The following GPHN variants were observed in gnomAD, a reference collection of about 807,000 sequenced individuals.
GPHN encodes the protein gephyrin.
Under a neutral mutation model 95.5 loss-of-function variants are expected in GPHN, and 17 were observed. The ratio of observed to expected loss-of-function variants is 0.18; its 90% CI spans 0.12 to 0.27. The LOEUF (loss-of-function observed/expected upper bound fraction) is 0.27, where lower values mean the gene tolerates loss of function less well. Ranked by LOEUF, GPHN falls within the 10% of genes least tolerant of loss-of-function variation. GPHN has a pLI of 1.00. For missense variants in GPHN, 660 were observed against 978.1 expected (o/e 0.67, Z 4.34); for synonymous variants, 320 against 322.5 (o/e 0.99, Z 0.08).
At chr14:66,552,907 T>C (rs1218985889) in intron 1 of GPHN, among the ~76,000 whole-genome samples, 1 of 152,094 alleles carries the variant, frequency 6.6e-6, no homozygotes, top group Non-Finnish European at 1.5e-5. Context: ...GTATTGATTC[T>C]AATGTATCTC....
the GPHN span, among the ~76,000 whole-genome samples, chr14:67,476,803 C>T: frequency 9.2e-5 from 14 of 152,156 alleles, no homozygotes; most frequent in African/African-American, 2.9e-4. Context: ...CTTAGACATA[C>T]GTACCAAATG....
At chr14:66,783,634 T>C (rs1357796247) in intron 3 of GPHN, among the ~76,000 whole-genome samples, 2 of 152,234 alleles carry the variant, frequency 1.3e-5, no homozygotes, top group Non-Finnish European at 2.9e-5. Context: ...AGGCTATTCG[T>C]ACTTCTGCTC....
chr14:66,705,475 G>A (rs1018428085), intron 2 of GPHN, among the ~76,000 whole-genome samples: 7 of 152,192 alleles, frequency 4.6e-5, no homozygotes, highest in Non-Finnish European at 1.0e-4. Context: ...CCATTATTAA[G>A]TTGGCTTCAT....
intron 2 of GPHN, among the ~76,000 whole-genome samples, chr14:66,759,582 A>G (rs1379259412): frequency 2.6e-5 from 4 of 152,226 alleles, no homozygotes; most frequent in Admixed American, 2.6e-4. Flanking sequence ...CCATTTGCAT[A>G]GTATTTCTCC....
chr14:67,695,772 T>C, the GPHN span: 1 of 1,439,704 alleles, frequency 6.9e-7, no homozygotes, highest in South Asian at 1.2e-5. Context: ...CTTCTCTTTC[T>C]AGACACGCCC....
At chr14:67,263,965 T>C in the GPHN span, among the ~76,000 whole-genome samples, 415 of 152,298 alleles carry the variant, frequency 2.7e-3, 1 homozygote, top group African/African-American at 9.4e-3. Context: ...GGCATGATGA[T>C]AGCCCCACTA....
chr14:67,600,344 G>A, the GPHN span: 2 of 689,220 alleles, frequency 2.9e-6, no homozygotes, highest in Non-Finnish European at 4.6e-6. Context: ...GTTGCGCGCC[G>A]AGAGCTCTGC....
At chr14:67,642,294 A>G in the GPHN span, 3 of 1,614,148 alleles carry the variant, frequency 1.9e-6, no homozygotes, top group Non-Finnish European at 2.5e-6. Context: ...GCCAACCAGG[A>G]ACTGGCTGAG....
At chr14:66,940,052 C>T (rs1190340702) in intron 8 of GPHN, among the ~76,000 whole-genome samples, 1 of 152,078 alleles carries the variant, frequency 6.6e-6, no homozygotes, top group Non-Finnish European at 1.5e-5. Flanking sequence ...AAAACTTTTA[C>T]CCTTTTGCTA....
intron 1 of GPHN, among the ~76,000 whole-genome samples, chr14:66,515,995 G>A (rs1360308079): frequency 6.8e-6 from 1 of 147,358 alleles, no homozygotes; most frequent in Non-Finnish European, 1.5e-5. Flanking sequence ...TTTATGTCAA[G>A]CCATTTTTTT....
chr14:66,524,026 T>G (rs2058585744), intron 1 of GPHN, among the ~76,000 whole-genome samples: 1 of 152,068 alleles, frequency 6.6e-6, no homozygotes, highest in African/African-American at 2.4e-5. Flanking sequence ...ATTTGAGATT[T>G]TTGAGATATA....
chr14:66,765,295 C>G (rs972566683), intron 2 of GPHN, among the ~76,000 whole-genome samples: 1 of 152,092 alleles, frequency 6.6e-6, no homozygotes, highest in African/African-American at 2.4e-5. Context: ...ACCATTTGAC[C>G]CAGCAATTCC....
rs542921613 is a variant in GPHN at position 67,115,174 on chromosome 14, A to G, written c.1626+2003A>G. Among the ~76,000 whole-genome samples, 25 of 152,188 alleles carry G rather than the reference A, an allele frequency of 1.6e-4. 1 individual carries two copies. In the South Asian group the frequency reaches 3.1e-3, roughly 19 times the overall value. Reference sequence around the variant, plus strand: ...GTTTTTATTATGACTCTATGATCATATAGTTTAGTTTTGTTCAGCAGATAA... The same window carrying G: ...GTTTTTATTATGACTCTATGATCATGTAGTTTAGTTTTGTTCAGCAGATAA... On this transcript the variant is annotated intron_variant, in intron 16 of 22. Transcript: ENST00000478722.
intron 8 of GPHN, among the ~76,000 whole-genome samples, chr14:66,953,223 A>G (rs1235589002): frequency 7.1e-6 from 1 of 140,754 alleles, no homozygotes; most frequent in Non-Finnish European, 1.5e-5. Context: ...TATTATCTGG[A>G]TGCTGGACTC....
the GPHN span, among the ~76,000 whole-genome samples, chr14:67,680,437 T>C: frequency 4.7e-4 from 71 of 152,338 alleles, no homozygotes; most frequent in Non-Finnish European, 8.4e-4. Flanking sequence ...TTGTAGGCTA[T>C]AAAAACTAAT....
chr14:67,379,855 C>T, the GPHN span, among the ~76,000 whole-genome samples: 2 of 151,620 alleles, frequency 1.3e-5, no homozygotes, highest in African/African-American at 4.9e-5. Context: ...GAGGTTTCAC[C>T]GTTTTAGCCG....
rs112494273 is a variant in GPHN, at chr14:67,073,594, T to G, written c.1144+14808T>G. ...GTAACACAGATGGAAGTTGTAGTGATAAAATAAACATGAAACACCAACCCA... is the reference window on the plus strand; with the variant it reads ...GTAACACAGATGGAAGTTGTAGTGAGAAAATAAACATGAAACACCAACCCA... On this transcript the variant is annotated intron_variant, in intron 11 of 22. Coordinates refer to ENST00000478722, the MANE Select transcript of GPHN (RefSeq NM_020806.5). Among the ~76,000 whole-genome samples the G allele has an allele frequency of 3.6e-3, 550 of 152,266 alleles. 11 individuals are homozygous for G. Among genetic ancestry groups the G allele is most frequent in the African/African-American group, 0.012 (515 of 41,558 alleles).
At chr14:66,749,178 G>T (rs2058275985) in intron 2 of GPHN, among the ~76,000 whole-genome samples, 1 of 151,880 alleles carries the variant, frequency 6.6e-6, no homozygotes, top group Non-Finnish European at 1.5e-5. Context: ...TCTTTTCATG[G>T]TTTGATAGCT....
chr14:67,572,379 G>T, the GPHN span: 1 of 881,442 alleles, frequency 1.1e-6, no homozygotes. Flanking sequence ...GAAGTGAGGG[G>T]TCCCTAGAGC....
Sources: allele counts gnomAD v4.1 joint callset (sites outside exome capture counted in the v4.1 genomes callset), GRCh38; gene constraint gnomAD v4.1.1; transcripts MANE v1.5; gene names NCBI Gene and HGNC (gene_info 2026-07-23, HGNC 2026-07-21).